The following RALYL variants were observed in gnomAD, a reference collection of about 807,000 sequenced individuals.
RALYL encodes RALY RNA binding protein like.
A neutral mutation model predicts 35.1 loss-of-function variants in RALYL; 29 were observed. That is an observed-to-expected ratio of 0.83 (90% CI 0.61 to 1.13). The LOEUF (loss-of-function observed/expected upper bound fraction) is 1.13. Ranked by LOEUF, RALYL falls within the 50% of genes most tolerant of loss-of-function variation. The pLI, the probability that RALYL is intolerant of heterozygous loss-of-function variation, is 0.00. For missense variants in RALYL, 359 were observed against 360.4 expected, an observed-to-expected ratio of 1.00 and a Z score of 0.03; for synonymous variants, 120 against 127.6, an observed-to-expected ratio of 0.94 and a Z score of 0.40.
intron 1 of RALYL, among the ~76,000 whole-genome samples, chr8:84,347,072 G>A (rs1586492036): frequency 6.6e-6 from 1 of 151,746 alleles, no homozygotes; most frequent in African/African-American, 2.4e-5. Flanking sequence ...TTGGTAACAG[G>A]TGCCTGTAAA....
chr8:84,337,934 G>A (rs577086682), intron 1 of RALYL, among the ~76,000 whole-genome samples: 1 of 151,996 alleles, frequency 6.6e-6, no homozygotes, highest in Non-Finnish European at 1.5e-5. Context: ...AAAATTCCCA[G>A]AATCATTCTG....
chr8:84,549,306 G>C (rs1168342846), intron 2 of RALYL, among the ~76,000 whole-genome samples: 1 of 152,142 alleles, frequency 6.6e-6, no homozygotes, highest in Admixed American at 6.5e-5. Context: ...GTGTGAGCTA[G>C]AAACAAAACA....
chr8:84,262,249 A>G (rs1832450313), intron 1 of RALYL, among the ~76,000 whole-genome samples: 1 of 152,156 alleles, frequency 6.6e-6, no homozygotes, highest in African/African-American at 2.4e-5. Context: ...GAGTGGAAAA[A>G]TATAGTGCAC....
intron 1 of RALYL, among the ~76,000 whole-genome samples, chr8:84,251,146 G>A (rs1395105242): frequency 6.6e-6 from 1 of 152,100 alleles, no homozygotes; most frequent in African/African-American, 2.4e-5. Flanking sequence ...TTGTATAAAT[G>A]TAGATGGGGA....
chr8:84,212,023 A>G (rs977480765), intron 1 of RALYL, among the ~76,000 whole-genome samples: 1 of 152,182 alleles, frequency 6.6e-6, no homozygotes, highest in African/African-American at 2.4e-5. Context: ...CAGAAAATTC[A>G]CTATTGCAAC....
At chr8:84,680,158 T>G (rs1040954246) in intron 2 of RALYL, among the ~76,000 whole-genome samples, 2 of 152,198 alleles carry the variant, frequency 1.3e-5, no homozygotes, top group Non-Finnish European at 2.9e-5. Context: ...GCTTCATCCA[T>G]GTCCCTACAA....
At chr8:84,506,522 A>G (rs1227659015) in intron 1 of RALYL, among the ~76,000 whole-genome samples, 1 of 152,024 alleles carries the variant, frequency 6.6e-6, no homozygotes, top group Admixed American at 6.6e-5. Flanking sequence ...GTATTCGGTT[A>G]TTGGATGTTT....
intron 1 of RALYL, among the ~76,000 whole-genome samples, chr8:84,348,686 T>A (rs1025338110): frequency 6.6e-6 from 1 of 152,148 alleles, no homozygotes; most frequent in African/African-American, 2.4e-5. Flanking sequence ...TCAAAAGGTA[T>A]TCAATTTAAA....
intron 1 of RALYL, among the ~76,000 whole-genome samples, chr8:84,345,476 A>G (rs10089374): frequency 3.9e-5 from 6 of 151,920 alleles, no homozygotes; most frequent in Non-Finnish European, 8.8e-5. Flanking sequence ...ATCCATATAC[A>G]CATTACCCTT....
intron 1 of RALYL, among the ~76,000 whole-genome samples, chr8:84,210,537 T>C (rs1403576578): frequency 6.6e-6 from 1 of 152,056 alleles, no homozygotes; most frequent in African/African-American, 2.4e-5. Flanking sequence ...CAGGCGCTTA[T>C]TCAAGAGTCA....
intron 1 of RALYL, among the ~76,000 whole-genome samples, chr8:84,333,415 A>C (rs1273961569): frequency 6.6e-6 from 1 of 152,186 alleles, no homozygotes; most frequent in Non-Finnish European, 1.5e-5. Flanking sequence ...TCCCTTAGAA[A>C]CATCTCAGTC....
chr8:84,297,594 A>G (rs1840004744), intron 1 of RALYL, among the ~76,000 whole-genome samples: 1 of 152,060 alleles, frequency 6.6e-6, no homozygotes, highest in Non-Finnish European at 1.5e-5. Context: ...GATAGGTCGA[A>G]TGGTAGTTTA....
intron 1 of RALYL, among the ~76,000 whole-genome samples, chr8:84,423,684 G>T (rs1435939703): frequency 6.6e-6 from 1 of 151,700 alleles, no homozygotes; most frequent in Admixed American, 6.6e-5. Flanking sequence ...GCAGTGGCTG[G>T]TACCGGTTGT....
In RALYL at chr8:84,744,006, A is replaced by C. The variant is rs1200089224; in HGVS notation, c.257-30573A>C. 2.0e-5 allele frequency among the ~76,000 whole-genome samples: 3 copies of C among 151,996 alleles called. No individual in the cohort carries two copies. The East Asian group carries it at 5.8e-4, about 29-fold the overall frequency. On this transcript the variant is annotated intron_variant, in intron 2 of 8. Coordinates refer to ENST00000521268, the MANE Select transcript of RALYL (RefSeq NM_173848.7). ...AGTTTGGGAAAATGAAAAAAATTGG[A>C]GACGGATAGTAGCAATGATTGCACA... is the stretch of plus-strand genomic sequence containing the variant.
chr8:84,607,223 G>A (rs1270606027), intron 2 of RALYL, among the ~76,000 whole-genome samples: 1 of 151,754 alleles, frequency 6.6e-6, no homozygotes, highest in African/African-American at 2.4e-5. Flanking sequence ...AAAGTATGGA[G>A]AAGAAGCAAT....
At chr8:84,629,100 T>C (rs923151432) in intron 2 of RALYL, among the ~76,000 whole-genome samples, 2 of 152,078 alleles carry the variant, frequency 1.3e-5, no homozygotes, top group African/African-American at 4.8e-5. Context: ...AGGCTGTTAT[T>C]GAAATTGAAT....
chr8:84,546,492 G>A (rs935211515), intron 2 of RALYL, among the ~76,000 whole-genome samples: 7 of 152,156 alleles, frequency 4.6e-5, no homozygotes. Flanking sequence ...GCATCATGGA[G>A]ATGACCATCT....
chr8:84,600,703 G>A (rs1469240965), intron 2 of RALYL, among the ~76,000 whole-genome samples: 4 of 151,968 alleles, frequency 2.6e-5, no homozygotes, highest in Admixed American at 2.6e-4. Flanking sequence ...GAATGAGGAG[G>A]GGATTTTTAA....
chr8:84,501,566 T>G (rs1437795778), intron 1 of RALYL, among the ~76,000 whole-genome samples: 1 of 152,010 alleles, frequency 6.6e-6, no homozygotes, highest in Non-Finnish European at 1.5e-5. Flanking sequence ...TCAGAGCAAT[T>G]ATTTGTAGCA....
Sources: gnomAD v4.1 joint callset for allele counts (sites outside exome capture counted in the v4.1 genomes callset) on GRCh38, gnomAD v4.1.1 for gene constraint, MANE v1.5 for transcripts, NCBI Gene and HGNC (gene_info 2026-07-23, HGNC 2026-07-21) for gene names.